Variants in FSTL5 observed in about 807,000 individuals in gnomAD.
FSTL5 encodes the protein follistatin-related protein 5.
In FSTL5, 62 loss-of-function variants were observed where a neutral mutation model predicts 89.1. The observed-to-expected ratio is 0.70, with a 90% CI of 0.57 to 0.86. The LOEUF (loss-of-function observed/expected upper bound fraction) is 0.86. Ranked by LOEUF, FSTL5 falls within the 40% of genes least tolerant of loss-of-function variation. The pLI is 0.00. For synonymous variants in FSTL5, 383 were observed against 346.2 expected (o/e 1.11, Z -1.18); for missense variants, 1,057 against 1,001.6 (o/e 1.06, Z -0.75).
intron 6 of FSTL5, among the ~76,000 whole-genome samples, chr4:161,690,577 C>T (rs563409414): frequency 3.3e-5 from 5 of 152,210 alleles, no homozygotes; most frequent in African/African-American, 9.6e-5. Flanking sequence ...TCTTATCAGA[C>T]ATATGATTTG....
chr4:161,757,915 T>G (rs566778507), intron 6 of FSTL5, among the ~76,000 whole-genome samples: 2 of 152,162 alleles, frequency 1.3e-5, no homozygotes, highest in South Asian at 4.2e-4. Context: ...CACTGCGCCC[T>G]GCCAATGCTG....
At chr4:161,567,537 T>C (rs1470189449) in intron 8 of FSTL5, among the ~76,000 whole-genome samples, 1 of 152,146 alleles carries the variant, frequency 6.6e-6, no homozygotes, top group Admixed American at 6.6e-5. Context: ...CTTGTATACA[T>C]AGAAGTAATC....
In FSTL5 at chr4:162,003,337, C is replaced by T. The variant is rs189639511; in HGVS notation, c.160+30288G>A. Among the ~76,000 whole-genome samples, 117 of 152,172 alleles carry T rather than the reference C, an allele frequency of 7.7e-4. 1 individual carries two copies. Among genetic ancestry groups the T allele is most frequent in the African/African-American group, 2.8e-3 (115 of 41,524 alleles). On this transcript the variant is annotated intron_variant, in intron 3 of 15. Coordinates refer to ENST00000306100, the MANE Select transcript of FSTL5 (RefSeq NM_020116.5). The stretch of plus-strand genomic sequence containing the variant: ...GTACTATGAGGTTAGTTGTGTCATT[C>T]CCATTGAAGAGATGGGTAACCAAGT...
rs577085837 is a variant in FSTL5 at position 161,537,409 on chromosome 4, G to A, written c.1312+757C>T. ...ACACTGTGGCACGTGTATACCAAGG[G>A]AATAAAATGGCTGTTTGTTTGCTTG... is the stretch of plus-strand genomic sequence containing the variant. On this transcript the variant is annotated intron_variant, in intron 10 of 15. Coordinates refer to ENST00000306100, the MANE Select transcript of FSTL5 (RefSeq NM_020116.5). Among the ~76,000 whole-genome samples the A allele has an allele frequency of 7.2e-5, 11 of 152,226 alleles. No individual in the cohort carries two copies. In the South Asian group the frequency reaches 2.1e-3, roughly 29 times the overall value.
intron 6 of FSTL5, among the ~76,000 whole-genome samples, chr4:161,757,666 T>C (rs1179961020): frequency 1.3e-5 from 2 of 152,180 alleles, no homozygotes; most frequent in Non-Finnish European, 2.9e-5. Flanking sequence ...TTGTTTAGGC[T>C]GGAGTGCAAT....
At chr4:161,825,668 A>T (rs990458045) in intron 4 of FSTL5, among the ~76,000 whole-genome samples, 3 of 152,108 alleles carry the variant, frequency 2.0e-5, no homozygotes, top group African/African-American at 7.2e-5. Flanking sequence ...TTTCCAGTTT[A>T]TTCGCATAAA....
chr4:162,045,815 A>T (rs1738151011), intron 2 of FSTL5, among the ~76,000 whole-genome samples: 1 of 152,120 alleles, frequency 6.6e-6, no homozygotes, highest in Non-Finnish European at 1.5e-5. Flanking sequence ...AAAATAAATA[A>T]TTTTTTAAAT....
At chr4:161,889,583 G>A (rs1732922630) in intron 4 of FSTL5, among the ~76,000 whole-genome samples, 1 of 152,180 alleles carries the variant, frequency 6.6e-6, no homozygotes, top group Admixed American at 6.5e-5. Context: ...TGCGGAGGTT[G>A]CAGTGAGCCA....
At chr4:161,702,714 T>C (rs959811192) in intron 6 of FSTL5, among the ~76,000 whole-genome samples, 1 of 152,146 alleles carries the variant, frequency 6.6e-6, no homozygotes, top group Non-Finnish European at 1.5e-5. Flanking sequence ...AGATGCACTT[T>C]AGTGTTCTGG....
At chr4:162,075,934 A>C (rs1729820754) in intron 2 of FSTL5, among the ~76,000 whole-genome samples, 1 of 151,750 alleles carries the variant, frequency 6.6e-6, no homozygotes, top group Non-Finnish European at 1.5e-5. Context: ...TTGTAACTTA[A>C]TTCCTTCCTC....
intron 3 of FSTL5, among the ~76,000 whole-genome samples, chr4:161,950,031 A>G (rs1484280783): frequency 6.6e-6 from 1 of 152,120 alleles, no homozygotes; most frequent in African/African-American, 2.4e-5. Flanking sequence ...AATAAGATAA[A>G]TAATATCTTC....
At chr4:162,065,444 A>T (rs541139735) in intron 2 of FSTL5, among the ~76,000 whole-genome samples, 2 of 152,190 alleles carry the variant, frequency 1.3e-5, no homozygotes, top group African/African-American at 4.8e-5. Flanking sequence ...GCCAATAGAT[A>T]TATGAAAAGG....
At chr4:161,659,959 T>C (rs1056965730) in intron 6 of FSTL5, among the ~76,000 whole-genome samples, 3 of 152,106 alleles carry the variant, frequency 2.0e-5, no homozygotes, top group African/African-American at 7.2e-5. Context: ...TCTAATGACC[T>C]CAACATGTAT....
chr4:161,826,006 T>C (rs1448572873), intron 4 of FSTL5, among the ~76,000 whole-genome samples: 1 of 152,282 alleles, frequency 6.6e-6, no homozygotes, highest in East Asian at 1.9e-4. Context: ...CTTTTTGATG[T>C]ATGCATTTAA....
chr4:161,948,448 TTGAATTCTACA>T (rs1379228289), intron 3 of FSTL5, among the ~76,000 whole-genome samples: 27 of 151,386 alleles, frequency 1.8e-4, no homozygotes, highest in Non-Finnish European at 1.5e-5. Flanking sequence ...TTGCTACACT[TTGAATTCTACA>T]TGAACGGAAT....
chr4:161,500,140 G>A lies in FSTL5; in HGVS notation c.1340-6C>T, dbSNP rs1404002251. 1.3e-6 allele frequency: 2 copies of A among 1,495,216 alleles called. No individual in the cohort carries two copies. Among genetic ancestry groups the A allele is most frequent in the South Asian group, 2.4e-5 (2 of 84,796 alleles). 92.6% of individuals were successfully genotyped at this position (1,495,216 alleles called of 1,614,324 possible). On this transcript the variant is annotated splice_polypyrimidine_tract_variant and splice_region_variant and intron_variant, in intron 11 of 15. Transcript: ENST00000306100. ...CATGTTCCCAATTCCCAGACCTTAG[G>A]AATAAAAACACATTTAAATGTTCAA...
At position 161,803,976 on chromosome 4, in the gene FSTL5, T is replaced by C. The variant is rs75758399; in HGVS notation, c.410-27902A>G. Among the ~76,000 whole-genome samples, 733 of 152,108 alleles carry C rather than the reference T, an allele frequency of 4.8e-3. 4 individuals carry two copies. Among genetic ancestry groups the C allele is most frequent in the African/African-American group, 0.017 (698 of 41,546 alleles). On this transcript the variant is annotated intron_variant, in intron 4 of 15. Coordinates refer to ENST00000306100, the MANE Select transcript of FSTL5 (RefSeq NM_020116.5). ...TTCAGGTTGTTAGCCAAATTCAGTC[T>C]TTGAGATTGTGGACTGAAGTCCCTT...
chr4:161,709,223 A>G (rs1244906358), intron 6 of FSTL5, among the ~76,000 whole-genome samples: 3 of 152,140 alleles, frequency 2.0e-5, no homozygotes, highest in Non-Finnish European at 4.4e-5. Context: ...TATTTTACGT[A>G]AAATCATTTA....
chr4:162,100,212 C>G (rs899563897), intron 2 of FSTL5, among the ~76,000 whole-genome samples: 6 of 152,122 alleles, frequency 3.9e-5, no homozygotes, highest in Non-Finnish European at 8.8e-5. Flanking sequence ...GTGGTACATT[C>G]AGAAAATGGA....
Sources: gnomAD v4.1 joint callset for allele counts (sites outside exome capture counted in the v4.1 genomes callset) on GRCh38, gnomAD v4.1.1 for gene constraint, MANE v1.5 for transcripts, NCBI Gene and HGNC (gene_info 2026-07-23, HGNC 2026-07-21) for gene names.